Variants in KRT80 observed in about 807,000 individuals in gnomAD.
KRT80 encodes keratin, type II cytoskeletal 80.
In KRT80, 36 loss-of-function variants were observed where a neutral mutation model predicts 51.5. That is an observed-to-expected ratio of 0.70 (90% confidence interval 0.54 to 0.92). KRT80 has a LOEUF of 0.92. Ranked by LOEUF, KRT80 falls within the 40% of genes least tolerant of loss-of-function variation. KRT80 has a pLI of 0.00. For synonymous variants in KRT80, 235 were observed against 248.3 expected (o/e 0.95, Z 0.50); for missense variants, 566 against 591.7 (o/e 0.96, Z 0.45).
At chr12:52,180,083 A>G (rs1941293904) in intron 4 of KRT80, among the ~76,000 whole-genome samples, 1 of 152,206 alleles carries the variant, frequency 6.6e-6, no homozygotes, top group African/African-American at 2.4e-5. Context: ...ACGGAAAGGC[A>G]GGCCTATCAG....
chr12:52,191,526 C>T, intron 1 of KRT80, 77 bp downstream of exon 1: 6 of 1,419,042 alleles, frequency 4.2e-6, no homozygotes, highest in Middle Eastern at 2.0e-4. Context: ...GTGATCGATG[C>T]TCAGGGAAAC....
In KRT80 at chr12:52,185,511, A is replaced by T; in HGVS notation, c.377T>A (p.Phe126Tyr). 1 of 1,613,720 alleles carries T rather than the reference A, an allele frequency of 6.2e-7. No individual in the cohort carries two copies. The highest frequency in any genetic ancestry group is 8.5e-7 in the Non-Finnish European group (1 of 1,180,014). Residue 126 changes from phenylalanine (F) to tyrosine (Y), a missense_variant, in exon 2 of 9, where the codon TTC becomes TAC. Physicochemically the swap from Phe to Tyr is conservative, Grantham distance 22. Coordinates refer to ENST00000394815, the MANE Select transcript of KRT80 (RefSeq NM_182507.3). ...SFLQGQDSAI[F>Y]DLGHLYEEYQ... is the part of the protein sequence containing the mutation. ...TTCCTCATAGAGATGCCCGAGGTCGAAGATGGCTGAGTCCTGGCCCTGCAG... is the reference window on the plus strand; with the variant it reads ...TTCCTCATAGAGATGCCCGAGGTCGTAGATGGCTGAGTCCTGGCCCTGCAG...
intron 1 of KRT80, among the ~76,000 whole-genome samples, chr12:52,186,884 C>T (rs1435125324): frequency 1.3e-5 from 2 of 152,132 alleles, no homozygotes; most frequent in East Asian, 1.9e-4. Context: ...CTGCCTCCCT[C>T]CTCCCCACCC....
chr12:52,189,978 C>T (rs1461212527), intron 1 of KRT80, among the ~76,000 whole-genome samples: 1 of 152,212 alleles, frequency 6.6e-6, no homozygotes, highest in East Asian at 1.9e-4. Flanking sequence ...TGAAGCATTC[C>T]TTCTAAGGGA....
chr12:52,170,844 C>T lies in KRT80; in HGVS notation c.*554G>A, dbSNP rs1316463626. On this transcript the variant is annotated 3_prime_UTR_variant, in exon 9 of 9. Coordinates refer to ENST00000394815, the MANE Select transcript of KRT80 (RefSeq NM_182507.3). ...TTCACTCCCTAATACTGTCAGGTCTCTGGGGAGCCCAAAGAGCACGGGAAA... is the reference window on the plus strand; with the variant it reads ...TTCACTCCCTAATACTGTCAGGTCTTTGGGGAGCCCAAAGAGCACGGGAAA... The T allele has an allele frequency of 6.4e-6, 1 of 155,148 alleles. No individual in the cohort carries two copies. 9.6% of individuals were successfully genotyped at this position (155,148 alleles called of 1,614,324 possible). A position where few individuals can be genotyped will look rare whatever the true frequency, so the allele number is the denominator to read the frequency against.
intron 5 of KRT80, 141 bp from the exon 6 acceptor site, chr12:52,173,304 C>A: frequency 8.6e-7 from 1 of 1,160,950 alleles, no homozygotes; most frequent in Non-Finnish European, 1.1e-6. Flanking sequence ...CCCTCAGCTC[C>A]CCCTTCCACC....
chr12:52,191,876 G>A lies in KRT80; in HGVS notation c.27C>T (p.Gly9=). ...CCTCACAGCTGCTGAGGCTGCTGAA[G>A]CCAACCACGCAGGAGCGGCAGGCCA... MACRSCVV[G]FSSLSSCEVT... is the part of the protein sequence containing the mutation. Residue 9 remains glycine, a synonymous_variant, in exon 1 of 9, where the codon GGC becomes GGT. Transcript: ENST00000394815. 6.6e-7 allele frequency: 1 copy of A among 1,509,256 alleles called. No individual in the cohort carries two copies. Among genetic ancestry groups the A allele is most frequent in the Non-Finnish European group, 8.9e-7 (1 of 1,124,802 alleles). 93.5% of individuals were successfully genotyped at this position (1,509,256 alleles called of 1,614,324 possible).
Position 52,170,633 on chromosome 12 carries a change from TCCCA to T in KRT80, c.*761_*764del, listed in dbSNP as rs1941072645. ...TCTCAAGCTGCCATCTGGCTTCCAC[TCCCA>T]GGGAGTTGATTATGGCAAGAGCAGC... On this transcript the variant is annotated 3_prime_UTR_variant, in exon 9 of 9. Coordinates refer to ENST00000394815, the MANE Select transcript of KRT80 (RefSeq NM_182507.3). 1.3e-5 allele frequency: 2 copies of T among 152,260 alleles called. No individual in the cohort carries two copies. Among genetic ancestry groups the T allele is most frequent in the South Asian group, 4.1e-4 (2 of 4,824 alleles). The allele number at this position is 152,260 out of a possible 1,614,324, so 9.4% of individuals were successfully genotyped here.
intron 1 of KRT80, among the ~76,000 whole-genome samples, chr12:52,189,299 C>T (rs548295813): frequency 6.6e-6 from 1 of 152,266 alleles, no homozygotes; most frequent in African/African-American, 2.4e-5. Context: ...CCTCTCCCCA[C>T]CTGCTCTCCA....
intron 2 of KRT80, among the ~76,000 whole-genome samples, chr12:52,182,107 G>A (rs989860055): frequency 2.6e-5 from 4 of 152,312 alleles, no homozygotes; most frequent in South Asian, 4.1e-4. Flanking sequence ...TGTACCAGGG[G>A]CCCACACCCT....
chr12:52,180,849 A>G, intron 3 of KRT80, 54 bp downstream of exon 3: 1 of 1,612,294 alleles, frequency 6.2e-7, no homozygotes, highest in East Asian at 2.2e-5. Flanking sequence ...CTGGAGGGAA[A>G]GAGGGCCCAG....
chr12:52,172,196 A>G lies in KRT80; in HGVS notation c.1178+2T>C, dbSNP rs1291786663. ...CCCTTCCTCACCAGCCCTGGCTCTC[A>G]CCTGCCCTCCTCGCCCTCCACCAGC... is the stretch of plus-strand genomic sequence containing the variant. On this transcript the variant is annotated splice_donor_variant, in intron 7 of 8. Transcript: ENST00000394815. LOFTEE classifies it high-confidence loss of function. The G allele has an allele frequency of 3.7e-6, 6 of 1,613,056 alleles. No individual in the cohort carries two copies. The highest frequency in any genetic ancestry group is 5.1e-6 in the Non-Finnish European group (6 of 1,179,926).
At chr12:52,188,302 G>A (rs527269215) in intron 1 of KRT80, among the ~76,000 whole-genome samples, 2 of 152,312 alleles carry the variant, frequency 1.3e-5, no homozygotes, top group African/African-American at 4.8e-5. Context: ...GCTGTAGCAG[G>A]GACCTCTCCA....
Position 52,185,486 on chromosome 12 carries a change from T to G in KRT80, c.402A>C (p.Glu134Asp). The G allele has an allele frequency of 6.2e-7, 1 of 1,614,010 alleles. No individual in the cohort carries two copies. Among genetic ancestry groups the G allele is most frequent in the Non-Finnish European group, 8.5e-7 (1 of 1,180,022 alleles). Residue 134 changes from glutamate (E) to aspartate (D), a missense_variant, in exon 2 of 9, where the codon GAA (glutamate) becomes GAC (aspartate). Glu to Asp is a conservative substitution (Grantham distance 45). Coordinates refer to ENST00000394815, the MANE Select transcript of KRT80 (RefSeq NM_182507.3). The stretch of plus-strand genomic sequence containing the variant: ...GTTCCTCCTGCAGCCGGCCCTGATA[T>G]TCCTCATAGAGATGCCCGAGGTCGA... Reference protein sequence around the residue: ...AIFDLGHLYEEYQGRLQEELR... With the variant: ...AIFDLGHLYEDYQGRLQEELR...
intron 5 of KRT80, among the ~76,000 whole-genome samples, 168 bp from the exon 6 acceptor site, chr12:52,173,331 C>T (rs996392704): frequency 1.8e-4 from 8 of 44,922 alleles, no homozygotes; most frequent in Admixed American, 7.8e-4. Context: ...TCTGGGTGGC[C>T]TCTCCTGGCT....
At chr12:52,174,145 C>T (rs1229954197) in intron 4 of KRT80, among the ~76,000 whole-genome samples, 1 of 152,248 alleles carries the variant, frequency 6.6e-6, no homozygotes. Context: ...AGTTGGGCCC[C>T]TCTGTTTACT....
chr12:52,180,411 G>T (rs1395063987), intron 4 of KRT80, 102 bp downstream of exon 4: 2 of 684,440 alleles, frequency 2.9e-6, no homozygotes, highest in African/African-American at 1.8e-5. Flanking sequence ...AGTGACTGTT[G>T]GAGGTTCCAT....
intron 6 of KRT80, among the ~76,000 whole-genome samples, chr12:52,172,769 A>G (rs1036203295): frequency 2.6e-5 from 4 of 152,168 alleles, no homozygotes; most frequent in African/African-American, 9.7e-5. Context: ...GGAGGGAGGC[A>G]GTGGGCTCTG....
chr12:52,185,370 T>A lies in KRT80; in HGVS notation c.509+9A>T. 2 of 1,602,598 alleles carry A rather than the reference T, an allele frequency of 1.2e-6. No homozygotes were observed. Among genetic ancestry groups the A allele is most frequent in the East Asian group, 4.5e-5 (2 of 44,734 alleles). ...GCCTTGCTCATGGCTCTCATGGGGCTCTACGTACCTGATTCGAAACTCCTC... is the reference window on the plus strand; with the variant it reads ...GCCTTGCTCATGGCTCTCATGGGGCACTACGTACCTGATTCGAAACTCCTC... On this transcript the variant is annotated intron_variant, in intron 2 of 8. Coordinates refer to ENST00000394815, the MANE Select transcript of KRT80 (RefSeq NM_182507.3).
Sources: gnomAD v4.1 joint callset for allele counts (sites outside exome capture counted in the v4.1 genomes callset) on GRCh38, gnomAD v4.1.1 for gene constraint, MANE v1.5 for transcripts, NCBI Gene and HGNC (gene_info 2026-07-23, HGNC 2026-07-21) for gene names.